Variants in PAPPA2 observed in about 807,000 individuals in gnomAD.
PAPPA2 encodes pappalysin 2, also known as pappalysin-2.
Under a neutral mutation model 176.4 loss-of-function variants are expected in PAPPA2, and 86 were observed. The observed-to-expected ratio is 0.49, with a 90% CI of 0.41 to 0.58. The LOEUF is 0.58. PAPPA2 is among the 20% of genes least tolerant of loss of function. The probability of loss-of-function intolerance (pLI) is 0.00; values close to 1 mark genes in which losing one functional copy is unlikely to be tolerated. For synonymous variants in PAPPA2, 809 were observed against 852.2 expected (o/e 0.95, Z 0.88); for missense variants, 2,073 against 2,256.9 (o/e 0.92, Z 1.65).
chr1:176,487,387 A>C (rs1039035076), intron 1 of PAPPA2, among the ~76,000 whole-genome samples: 8 of 152,186 alleles, frequency 5.3e-5, no homozygotes, highest in Non-Finnish European at 8.8e-5. Flanking sequence ...CTCCTGGAAG[A>C]CCTGATGACC....
intron 17 of PAPPA2, among the ~76,000 whole-genome samples, chr1:176,775,994 T>A (rs2102919295): frequency 6.6e-6 from 1 of 152,300 alleles, no homozygotes; most frequent in South Asian, 2.1e-4. Context: ...TCAGGAGTTC[T>A]TTCCTCCTCA....
At chr1:176,677,534 C>G (rs1413091082) in intron 4 of PAPPA2, among the ~76,000 whole-genome samples, 2 of 152,146 alleles carry the variant, frequency 1.3e-5, no homozygotes, top group Non-Finnish European at 2.9e-5. Flanking sequence ...CTCTAATATT[C>G]AGTAGTTTGA....
chr1:176,531,381 C>G (rs576883452), intron 1 of PAPPA2, among the ~76,000 whole-genome samples: 1 of 152,136 alleles, frequency 6.6e-6, no homozygotes, highest in Admixed American at 6.5e-5. Flanking sequence ...TCTGTCTGGG[C>G]GCTAGGGTGT....
At chr1:176,802,915 T>C (rs1665745104) in intron 21 of PAPPA2, among the ~76,000 whole-genome samples, 1 of 152,226 alleles carries the variant, frequency 6.6e-6, no homozygotes, top group Admixed American at 6.5e-5. Context: ...CTTATCTAAA[T>C]AATTCCATCT....
intron 17 of PAPPA2, among the ~76,000 whole-genome samples, chr1:176,774,301 T>C (rs1472700603): frequency 1.3e-5 from 2 of 152,192 alleles, no homozygotes; most frequent in Admixed American, 6.5e-5. Context: ...GCCACTATAG[T>C]ATCTTCCCTT....
chr1:176,606,205 A>G lies in PAPPA2; in HGVS notation c.1991+10610A>G, dbSNP rs186177949. On this transcript the variant is annotated intron_variant, in intron 3 of 22. Transcript: ENST00000367662. ...ATGTATTTTATACTTAAATTTAGAT[A>G]GTCAAATACCTATCATTATGCAATA... is the stretch of plus-strand genomic sequence containing the variant. Among the ~76,000 whole-genome samples the G allele has an allele frequency of 6.8e-3, 1,040 of 152,262 alleles. 4 individuals are homozygous for G. The highest frequency in any genetic ancestry group is 0.01 in the Non-Finnish European group (713 of 68,024).
intron 3 of PAPPA2, among the ~76,000 whole-genome samples, chr1:176,623,677 CTTTCTT>C (rs1325756643): frequency 3.6e-4 from 48 of 132,836 alleles, no homozygotes; most frequent in Admixed American, 7.0e-4. Context: ...CTTTTTCTTT[CTTTCTT>C]TCTCTCTCTC....
intron 18 of PAPPA2, among the ~76,000 whole-genome samples, chr1:176,790,366 G>A (rs1262701411): frequency 1.3e-5 from 2 of 152,132 alleles, no homozygotes; most frequent in Non-Finnish European, 2.9e-5. Context: ...GGCAAAGCTG[G>A]AAGTGCTGTT....
intron 3 of PAPPA2, among the ~76,000 whole-genome samples, chr1:176,623,865 A>G (rs913055801): frequency 1.5e-5 from 2 of 137,652 alleles, no homozygotes; most frequent in Admixed American, 8.0e-5. Flanking sequence ...TCTTTCTACA[A>G]GGTCTTACTT....
At chr1:176,828,738 T>G (rs769087531) in intron 21 of PAPPA2, among the ~76,000 whole-genome samples, 15 of 151,972 alleles carry the variant, frequency 9.9e-5, no homozygotes, top group Non-Finnish European at 1.9e-4. Flanking sequence ...GCGTGGTGGC[T>G]CATGCCCGTA....
intron 3 of PAPPA2, among the ~76,000 whole-genome samples, chr1:176,624,908 A>G (rs1430592056): frequency 4.6e-5 from 7 of 152,154 alleles, no homozygotes; most frequent in Non-Finnish European, 4.4e-5. Flanking sequence ...GGCAGGCAGG[A>G]GAGTGGATGT....
At chr1:176,722,604 T>C (rs1661677950) in intron 12 of PAPPA2, among the ~76,000 whole-genome samples, 1 of 152,104 alleles carries the variant, frequency 6.6e-6, no homozygotes, top group South Asian at 2.1e-4. Context: ...CAATTTCTAT[T>C]TGGCTTTTTA....
At chr1:176,801,867 G>C (rs1412956044) in intron 21 of PAPPA2, among the ~76,000 whole-genome samples, 1 of 152,108 alleles carries the variant, frequency 6.6e-6, no homozygotes, top group Non-Finnish European at 1.5e-5. Context: ...CTGCACCCCA[G>C]CACATCAGCG....
intron 20 of PAPPA2, among the ~76,000 whole-genome samples, chr1:176,795,395 G>C (rs1274495297): frequency 6.6e-6 from 1 of 152,072 alleles, no homozygotes; most frequent in Admixed American, 6.6e-5. Flanking sequence ...CTGCCACAGA[G>C]CCATTTCTCA....
intron 3 of PAPPA2, among the ~76,000 whole-genome samples, chr1:176,598,514 A>G (rs1463580772): frequency 6.6e-6 from 1 of 152,120 alleles, no homozygotes; most frequent in Non-Finnish European, 1.5e-5. Context: ...TTCTATTATT[A>G]TATTTCTTTC....
At chr1:176,729,505 A>C (rs1461242313) in intron 12 of PAPPA2, among the ~76,000 whole-genome samples, 4 of 152,090 alleles carry the variant, frequency 2.6e-5, no homozygotes, top group African/African-American at 9.7e-5. Context: ...ATGTACCAGA[A>C]TCTCTGGGAC....
In PAPPA2 at chr1:176,739,733, C is replaced by T. The variant is rs748944329; in HGVS notation, c.3906C>T (p.Thr1302=). 1.7e-5 allele frequency: 27 copies of T among 1,613,482 alleles called. No homozygotes were observed. Among genetic ancestry groups the T allele is most frequent in the African/African-American group, 1.1e-4 (8 of 74,850 alleles). The change falls in exon 13 of 23, where the codon ACC becomes ACT. Residue 1302 remains threonine, a synonymous_variant. Transcript: ENST00000367662. ...HQQPTVTLYL[T]DVRGSNHSLG... ...AGCCGACAGTGACTCTCTACCTGAC[C>T]GATGTCCGTGGAAGCAACCACTCTC...
At chr1:176,548,867 A>C (rs1650779580) in intron 1 of PAPPA2, among the ~76,000 whole-genome samples, 1 of 151,792 alleles carries the variant, frequency 6.6e-6, no homozygotes, top group Admixed American at 6.6e-5. Flanking sequence ...TTGGGCCCTC[A>C]CTCAAGACAT....
intron 12 of PAPPA2, among the ~76,000 whole-genome samples, chr1:176,734,105 C>T (rs1412218373): frequency 6.6e-6 from 1 of 152,120 alleles, no homozygotes; most frequent in African/African-American, 2.4e-5. Context: ...ATGCAGCTGA[C>T]ACATCACAGT....
Sources: allele counts gnomAD v4.1 joint callset (sites outside exome capture counted in the v4.1 genomes callset), GRCh38; gene constraint gnomAD v4.1.1; transcripts MANE v1.5; gene names NCBI Gene and HGNC (gene_info 2026-07-23, HGNC 2026-07-21).